The following TBC1D14 variants were observed in gnomAD, a reference collection of about 807,000 sequenced individuals.
The protein encoded by TBC1D14 is TBC1 domain family member 14.
Under a neutral mutation model 79.0 loss-of-function variants are expected in TBC1D14, and 26 were observed. The observed-to-expected ratio is 0.33, with a 90% CI of 0.24 to 0.46. The LOEUF (loss-of-function observed/expected upper bound fraction) is 0.46, where lower values mean the gene tolerates loss of function less well. Among genes scored for constraint, TBC1D14 ranks in the 20% least tolerant of loss-of-function variants. The pLI, the probability that TBC1D14 is intolerant of heterozygous loss-of-function variation, is 1.00. For synonymous variants in TBC1D14, 394 were observed against 349.9 expected, an observed-to-expected ratio of 1.13 and a Z score of -1.40; for missense variants, 769 against 887.6, an observed-to-expected ratio of 0.87 and a Z score of 1.70.
At chr4:6,993,764 C>T (rs1358866778) in intron 3 of TBC1D14, among the ~76,000 whole-genome samples, 3 of 152,200 alleles carry the variant, frequency 2.0e-5, no homozygotes, top group African/African-American at 7.2e-5. Flanking sequence ...AATGTCAGCA[C>T]TTTGGGAGGC....
intron 2 of TBC1D14, among the ~76,000 whole-genome samples, chr4:6,957,414 T>A (rs2109020239): frequency 6.6e-6 from 1 of 152,326 alleles, no homozygotes; most frequent in African/African-American, 2.4e-5. Flanking sequence ...GGTAAAGAAA[T>A]ACTTGGACAG....
intron 11 of TBC1D14, among the ~76,000 whole-genome samples, chr4:7,012,654 GAT>G (rs1720892789): frequency 6.6e-6 from 1 of 152,226 alleles, no homozygotes; most frequent in Non-Finnish European, 1.5e-5. Context: ...GTGTATGTAA[GAT>G]AAAACGTAAA....
intron 3 of TBC1D14, among the ~76,000 whole-genome samples, chr4:6,991,140 T>C (rs1718444877): frequency 6.6e-6 from 1 of 152,250 alleles, no homozygotes; most frequent in African/African-American, 2.4e-5. Flanking sequence ...CTAGGCCACC[T>C]GTGTTACTTT....
rs377287708 is a variant in TBC1D14 at position 6,923,982 on chromosome 4, C to T, written c.593C>T (p.Pro198Leu). 1.9e-6 allele frequency: 3 copies of T among 1,614,002 alleles called. No individual in the cohort carries two copies. The African/African-American group carries it at 4.0e-5, about 22-fold the overall frequency. ...GTGACCCTGGAGAATGACGATGACC[C>T]ACAGTTTACCAACGTCACCTTGAGC... ...AIVTLENDDDPQFTNVTLSSI... is the reference protein window; with the variant it reads ...AIVTLENDDDLQFTNVTLSSI... The change falls in exon 2 of 14, where the codon CCA becomes CTA. Residue 198 changes from proline (P) to leucine (L), a missense_variant. By Grantham distance (98) the Pro-to-Leu change is moderately conservative. Transcript: ENST00000409757.
chr4:6,987,359 G>A (rs1462202382), intron 3 of TBC1D14: 8 of 1,421,280 alleles, frequency 5.6e-6, no homozygotes, highest in African/African-American at 1.5e-5. Context: ...GGTGAGTCGG[G>A]GTGCGGGCCG....
At chr4:6,941,848 C>G (rs1464902020) in intron 2 of TBC1D14, among the ~76,000 whole-genome samples, 6 of 152,214 alleles carry the variant, frequency 3.9e-5, no homozygotes, top group Non-Finnish European at 8.8e-5. Flanking sequence ...CGCCCATCTT[C>G]CTGGAGGCTC....
At chr4:6,994,994 C>T (rs1181064230) in intron 4 of TBC1D14, among the ~76,000 whole-genome samples, 1 of 152,044 alleles carries the variant, frequency 6.6e-6, no homozygotes, top group Non-Finnish European at 1.5e-5. Flanking sequence ...CTTTGAAGTC[C>T]AGTCGTTTTC....
intron 3 of TBC1D14, among the ~76,000 whole-genome samples, chr4:6,990,792 C>G (rs1355536327): frequency 5.3e-5 from 8 of 152,206 alleles, no homozygotes; most frequent in African/African-American, 1.9e-4. Context: ...GACTGAGAGA[C>G]AAGACGACTC....
At chr4:7,002,589 T>C (rs1719778251) in intron 7 of TBC1D14, among the ~76,000 whole-genome samples, 1 of 152,216 alleles carries the variant, frequency 6.6e-6, no homozygotes, top group South Asian at 2.1e-4. Flanking sequence ...CTGTCTTGTA[T>C]TGTGAACCGC....
At chr4:6,914,464 G>C (rs1723235702) in intron 1 of TBC1D14, among the ~76,000 whole-genome samples, 1 of 152,140 alleles carries the variant, frequency 6.6e-6, no homozygotes, top group African/African-American at 2.4e-5. Flanking sequence ...ACATAATGCA[G>C]ATCAATCCAC....
chr4:6,923,818 G>T lies in TBC1D14; in HGVS notation c.429G>T (p.Pro143=). The T allele has an allele frequency of 6.2e-7, 1 of 1,614,134 alleles. No homozygotes were observed. Among genetic ancestry groups the T allele is most frequent in the Non-Finnish European group, 8.5e-7 (1 of 1,180,042 alleles). The change falls in exon 2 of 14, where the codon CCG becomes CCT. Residue 143 remains proline, a synonymous_variant. Transcript: ENST00000409757. ...TGYDSVKLYS[P]TSKALTRSDD... is the part of the protein sequence containing the mutation. ...ATGACTCGGTAAAGCTCTATAGCCC[G>T]ACCTCCAAAGCCCTGACCCGCAGCG...
At chr4:6,958,378 C>CACACACACACACACACAA (rs1714865281) in intron 2 of TBC1D14, among the ~76,000 whole-genome samples, 1 of 127,004 alleles carries the variant, frequency 7.9e-6, no homozygotes, top group Admixed American at 7.3e-5. Context: ...CCCACATATA[C>CACACACACACACACACAA]ACACACACAC....
chr4:7,001,071 C>G lies in TBC1D14; in HGVS notation c.1164-74C>G. Reference sequence around the variant, plus strand: ...CGGTGCATCCCAGCTCTTGGTGGTTCGGGGCTAGGCACGCAGGTAGACAAA... The same window carrying G: ...CGGTGCATCCCAGCTCTTGGTGGTTGGGGGCTAGGCACGCAGGTAGACAAA... On this transcript the variant is annotated intron_variant, in intron 6 of 13. Transcript: ENST00000409757. The G allele has an allele frequency of 4.7e-6, 6 of 1,289,982 alleles. No homozygotes were observed. In the Admixed American group the frequency reaches 7.5e-5, roughly 16 times the overall value. The allele number at this position is 1,289,982 out of a possible 1,614,324, so 79.9% of individuals were successfully genotyped here. A position where few individuals can be genotyped will look rare whatever the true frequency, so the allele number is the denominator to read the frequency against.
chr4:7,029,383 G>A (rs1425048696), intron 13 of TBC1D14, among the ~76,000 whole-genome samples: 1 of 152,244 alleles, frequency 6.6e-6, no homozygotes, highest in Non-Finnish European at 1.5e-5. Flanking sequence ...GTACATGTCT[G>A]TTGTTCAGGC....
chr4:7,005,245 C>G (rs551158945), intron 8 of TBC1D14, among the ~76,000 whole-genome samples: 1 of 151,476 alleles, frequency 6.6e-6, no homozygotes, highest in Non-Finnish European at 1.5e-5. Context: ...ACTAAAAATA[C>G]AAAAATTAGG....
Position 6,923,735 on chromosome 4 carries a change from A to G in TBC1D14, c.346A>G (p.Ser116Gly), listed in dbSNP as rs1724048954. Reference sequence around the variant, plus strand: ...GCCATCCTGTGCGCCACCAGCTCCTAGCAGCACCGAGCGGGAACAGAGCGT... The same window carrying G: ...GCCATCCTGTGCGCCACCAGCTCCTGGCAGCACCGAGCGGGAACAGAGCGT... ...ALPSCAPPAP[S>G]STEREQSVRK... The change falls in exon 2 of 14, where the codon AGC (serine) becomes GGC (glycine). Residue 116 changes from serine (S) to glycine (G), a missense_variant. By Grantham distance (56) the Ser-to-Gly change is moderately conservative. Transcript: ENST00000409757. 2 of 1,613,950 alleles carry G rather than the reference A, an allele frequency of 1.2e-6. No homozygotes were observed. The highest frequency in any genetic ancestry group is 1.7e-6 in the Non-Finnish European group (2 of 1,180,018).
intron 2 of TBC1D14, among the ~76,000 whole-genome samples, chr4:6,944,027 C>CT (rs1301899168): frequency 3.6e-4 from 23 of 63,138 alleles, no homozygotes; most frequent in Admixed American, 9.6e-4. Flanking sequence ...GCGCGTTCTG[C>CT]CGGGGGTTTG....
Position 6,923,903 on chromosome 4 carries a change from G to A in TBC1D14, c.514G>A (p.Val172Ile), listed in dbSNP as rs193276617. 6.3e-5 allele frequency: 102 copies of A among 1,614,164 alleles called. No homozygotes were observed. The East Asian group carries it at 9.1e-4, about 14-fold the overall frequency. Residue 172 changes from valine (V) to isoleucine (I), a missense_variant, in exon 2 of 14, where the codon GTC becomes ATC. Physicochemically the swap from Val to Ile is conservative, Grantham distance 29. Around this residue, in one of 2 missense-constraint regions of TBC1D14, gnomAD observed 402 missense variants for 393.2 expected, o/e 1.02. Coordinates refer to ENST00000409757, the MANE Select transcript of TBC1D14 (RefSeq NM_020773.3). ...LGTELSTTLSVSNEDILDLVV... is the reference protein window; with the variant it reads ...LGTELSTTLSISNEDILDLVV... ...GACAGAGCTGTCCACCACGCTGTCC[G>A]TCAGCAATGAGGACATCTTGGACCT...
intron 2 of TBC1D14, among the ~76,000 whole-genome samples, chr4:6,963,753 G>A (rs1715455396): frequency 6.6e-6 from 1 of 152,162 alleles, no homozygotes; most frequent in Non-Finnish European, 1.5e-5. Context: ...CAAAAGTCAT[G>A]GCCTATCATA....
Sources: allele counts gnomAD v4.1 joint callset (sites outside exome capture counted in the v4.1 genomes callset), GRCh38; gene constraint gnomAD v4.1.1; regional missense constraint gnomAD v4.1.1; transcripts MANE v1.5; gene names NCBI Gene and HGNC (gene_info 2026-07-23, HGNC 2026-07-21).